The following CHN2 variants were observed in gnomAD, a reference collection of about 807,000 sequenced individuals.
CHN2 encodes the protein beta-chimaerin.
A neutral mutation model predicts 56.3 loss-of-function variants in CHN2; 35 were observed. That is an observed-to-expected ratio of 0.62 (90% CI 0.47 to 0.82). The LOEUF is 0.82. CHN2 is among the 40% of genes least tolerant of loss of function. The pLI, the probability that CHN2 is intolerant of heterozygous loss-of-function variation, is 0.00. For synonymous variants in CHN2, 210 were observed against 212.8 expected (o/e 0.99, Z 0.12); for missense variants, 491 against 580.5 (o/e 0.85, Z 1.58).
intron 6 of CHN2, among the ~76,000 whole-genome samples, chr7:29,410,291 G>A (rs1803078102): frequency 1.1e-5 from 1 of 92,324 alleles, no homozygotes; most frequent in African/African-American, 9.0e-5. Flanking sequence ...CATTTTTAAG[G>A]TGAAATTGAG....
chr7:29,411,713 T>A (rs1054696447), intron 6 of CHN2, among the ~76,000 whole-genome samples: 1 of 152,100 alleles, frequency 6.6e-6, no homozygotes, highest in African/African-American at 2.4e-5. Context: ...CCTGGGCTGC[T>A]GAAGGCTTCC....
At chr7:29,258,982 T>C (rs1248463657) in intron 1 of CHN2, among the ~76,000 whole-genome samples, 1 of 147,556 alleles carries the variant, frequency 6.8e-6, no homozygotes, top group African/African-American at 2.5e-5. Context: ...ACTAGTAGAA[T>C]ATAGACTGTG....
rs1157209181 is a variant in CHN2, at chr7:29,371,518, ATCAG to A, written c.144+3539_144+3542del. Among the ~76,000 whole-genome samples, 3 of 152,184 alleles carry A rather than the reference ATCAG, an allele frequency of 2.0e-5. No individual in the cohort carries two copies. In the East Asian group the frequency reaches 5.8e-4, roughly 29 times the overall value. On this transcript the variant is annotated intron_variant, in intron 3 of 12. Coordinates refer to ENST00000222792, the MANE Select transcript of CHN2 (RefSeq NM_004067.4). ...ATTCTCACTGCTTTTTCCATCAACTATCAGTCAGTCACATCATAAGCATTTATTA... is the reference window on the plus strand; with the variant it reads ...ATTCTCACTGCTTTTTCCATCAACTATCAGTCACATCATAAGCATTTATTA...
At chr7:29,149,990 C>T (rs1278891442) in intron 2 of CHN2, among the ~76,000 whole-genome samples, 1 of 152,184 alleles carries the variant, frequency 6.6e-6, no homozygotes, top group Non-Finnish European at 1.5e-5. Flanking sequence ...ATATTTTTAG[C>T]CCTTCTCTTG....
At chr7:29,447,544 T>G (rs1562614877) in intron 6 of CHN2, among the ~76,000 whole-genome samples, 1 of 152,074 alleles carries the variant, frequency 6.6e-6, no homozygotes, top group Non-Finnish European at 1.5e-5. Context: ...TGGCCTCAAA[T>G]TTTCTAAATT....
At chr7:29,471,021 C>G (rs943602894) in intron 6 of CHN2, among the ~76,000 whole-genome samples, 1 of 152,122 alleles carries the variant, frequency 6.6e-6, no homozygotes, top group Non-Finnish European at 1.5e-5. Flanking sequence ...GCTGCTTCTC[C>G]CTTAGGTTTT....
Position 29,431,347 on chromosome 7 carries a change from T to C in CHN2, c.576+30519T>C, listed in dbSNP as rs572397472. Among the ~76,000 whole-genome samples, 47 of 152,254 alleles carry C rather than the reference T, an allele frequency of 3.1e-4. 1 individual carries two copies. In the Middle Eastern group the frequency reaches 0.014, roughly 44 times the overall value. ...AAACTGGATTATAGAGTTAAATCTC[T>C]CCTCCCTTAGCCACGGCTAACTTCG... On this transcript the variant is annotated intron_variant, in intron 6 of 12. Transcript: ENST00000222792.
rs58153700 is a variant in CHN2, at chr7:29,170,482, A to T, written c.274+23522A>T. ...TCCCCCATTATTCATATTTTCTCCA[A>T]TTGTTCATCTGGGGACGAATTTAAG... On this transcript the variant is annotated intron_variant, in intron 2 of 6. Transcript: ENST00000439384. 7.9e-5 allele frequency among the ~76,000 whole-genome samples: 12 copies of T among 152,206 alleles called. No homozygotes were observed. In the East Asian group the frequency reaches 1.3e-3, roughly 17 times the overall value.
intron 1 of CHN2, among the ~76,000 whole-genome samples, chr7:29,232,649 G>T (rs773694243): frequency 6.9e-6 from 1 of 145,894 alleles, no homozygotes; most frequent in Non-Finnish European, 1.5e-5. Context: ...ATAGCGGTGC[G>T]TCTTTTTCAC....
chr7:29,236,073 C>T (rs2128806220), intron 1 of CHN2, among the ~76,000 whole-genome samples: 1 of 152,306 alleles, frequency 6.6e-6, no homozygotes, highest in South Asian at 2.1e-4. Flanking sequence ...AGCAGATACC[C>T]TCTGGAGGTA....
intron 1 of CHN2, among the ~76,000 whole-genome samples, chr7:29,279,228 A>G (rs1791478164): frequency 6.6e-6 from 1 of 152,218 alleles, no homozygotes; most frequent in South Asian, 2.1e-4. Context: ...GGGCAACTGA[A>G]TTTCTCTGGT....
intron 1 of CHN2, among the ~76,000 whole-genome samples, chr7:29,201,980 G>A (rs374953222): frequency 6.6e-6 from 1 of 152,314 alleles, no homozygotes; most frequent in South Asian, 2.1e-4. Flanking sequence ...AATTGAAAAT[G>A]TTTATAAACT....
intron 6 of CHN2, among the ~76,000 whole-genome samples, chr7:29,404,256 C>A (rs7811293): frequency 6.6e-6 from 1 of 152,122 alleles, no homozygotes; most frequent in Non-Finnish European, 1.5e-5. Context: ...ACTGCTATTA[C>A]GAGCTATAAT....
intron 6 of CHN2, among the ~76,000 whole-genome samples, chr7:29,404,692 GA>G (rs1332001837): frequency 4.0e-5 from 6 of 151,858 alleles, no homozygotes; most frequent in Admixed American, 6.6e-5. Flanking sequence ...TAAACTAGTA[GA>G]AAAAAATATT....
chr7:29,373,944 G>T (rs1799820738), intron 3 of CHN2, among the ~76,000 whole-genome samples: 1 of 152,012 alleles, frequency 6.6e-6, no homozygotes, highest in South Asian at 2.1e-4. Flanking sequence ...AAGTGCATTT[G>T]GGGGAACGTG....
intron 6 of CHN2, among the ~76,000 whole-genome samples, chr7:29,455,892 A>G (rs1784716277): frequency 6.7e-6 from 1 of 149,884 alleles, no homozygotes; most frequent in Non-Finnish European, 1.5e-5. Context: ...TGCATTAAGA[A>G]CAACAACAGC....
At chr7:29,460,071 A>T (rs1249280845) in intron 6 of CHN2, among the ~76,000 whole-genome samples, 1 of 151,962 alleles carries the variant, frequency 6.6e-6, no homozygotes, top group Non-Finnish European at 1.5e-5. Flanking sequence ...ATGTACATTG[A>T]ATCACCAGAT....
intron 6 of CHN2, among the ~76,000 whole-genome samples, chr7:29,435,566 A>C (rs1334744190): frequency 1.3e-5 from 2 of 152,216 alleles, no homozygotes; most frequent in East Asian, 3.8e-4. Context: ...TCTGGGGGCA[A>C]CTATAACACA....
chr7:29,305,846 TTC>T (rs1194691547), intron 1 of CHN2, among the ~76,000 whole-genome samples: 1 of 74,476 alleles, frequency 1.3e-5, no homozygotes, highest in South Asian at 4.8e-4. Flanking sequence ...TCCTTTTCCT[TTC>T]TCTCTTTCTC....
Sources: gnomAD v4.1 joint callset for allele counts (sites outside exome capture counted in the v4.1 genomes callset) on GRCh38, gnomAD v4.1.1 for gene constraint, MANE v1.5 for transcripts, NCBI Gene and HGNC (gene_info 2026-07-23, HGNC 2026-07-21) for gene names.